Variants in ADGRG2 observed in about 807,000 individuals in gnomAD.
ADGRG2 encodes adhesion G protein-coupled receptor G2.
In ADGRG2, 26 loss-of-function variants were observed where a neutral mutation model predicts 74.1. That is an observed-to-expected ratio of 0.35 (90% CI 0.26 to 0.49). The LOEUF is 0.49. Among genes scored for constraint, ADGRG2 ranks in the 20% least tolerant of loss-of-function variants. ADGRG2 has a pLI of 0.99. For synonymous variants in ADGRG2, 296 were observed against 295.2 expected (o/e 1.00, Z -0.03); for missense variants, 619 against 763.1 (o/e 0.81, Z 2.22).
chrX:19,076,194 G>C (rs2061745476), intron 2 of ADGRG2, among the ~76,000 whole-genome samples: 1 of 111,831 alleles, frequency 8.9e-6, no homozygotes, highest in Non-Finnish European at 1.9e-5. Flanking sequence ...ATGAGGAAGG[G>C]GAGTGCCCAG....
intron 13 of ADGRG2, among the ~76,000 whole-genome samples, chrX:19,022,982 C>A (rs952820764): frequency 4.5e-4 from 51 of 112,630 alleles, no homozygotes; most frequent in African/African-American, 1.3e-3. Flanking sequence ...CAGGCGTGAG[C>A]CACCACACCC....
In ADGRG2 at chrX:19,023,338, A is replaced by C; in HGVS notation, c.548+78T>G. 5.2e-6 allele frequency: 3 copies of C among 582,187 alleles called. 1 individual carries two copies. The South Asian group carries it at 1.0e-4, about 20-fold the overall frequency. The allele number at this position is 582,187 out of a possible 1,213,427, so 48.0% of individuals were successfully genotyped here. A position where few individuals can be genotyped will look rare whatever the true frequency, so the allele number is the denominator to read the frequency against. On this transcript the variant is annotated intron_variant, in intron 13 of 28. Transcript: ENST00000379869. ...TTAGAGGACCCCCTTTGCATTTGCA[A>C]TTTAACTAAGACTCCTTAATACTTT...
At chrX:19,055,799 T>C (rs1018529701) in intron 3 of ADGRG2, among the ~76,000 whole-genome samples, 5 of 104,409 alleles carry the variant, frequency 4.8e-5, no homozygotes, top group Non-Finnish European at 9.8e-5. Context: ...AGTGGCACAA[T>C]ATCGGATCAC....
chrX:19,014,740 C>A (rs758781867), intron 15 of ADGRG2, among the ~76,000 whole-genome samples: 5 of 111,471 alleles, frequency 4.5e-5, no homozygotes, highest in Non-Finnish European at 9.4e-5. Context: ...TCAAGTGATT[C>A]TCTTGCCTCA....
At chrX:19,076,589 T>G (rs984211866) in intron 2 of ADGRG2, among the ~76,000 whole-genome samples, 1 of 111,637 alleles carries the variant, frequency 9.0e-6, no homozygotes, top group African/African-American at 3.3e-5. Flanking sequence ...GCCAACATGG[T>G]GAAACCCCAT....
At chrX:18,997,511 C>T (rs887316838) in intron 26 of ADGRG2, among the ~76,000 whole-genome samples, 3 of 111,707 alleles carry the variant, frequency 2.7e-5, no homozygotes, top group African/African-American at 6.5e-5. Flanking sequence ...TCAGTATTGC[C>T]GTGGTTGGCA....
intron 1 of ADGRG2, among the ~76,000 whole-genome samples, chrX:19,103,091 C>T (rs1004037998): frequency 6.3e-5 from 7 of 110,603 alleles, no homozygotes; most frequent in African/African-American, 2.3e-4. Flanking sequence ...GACAGGAGGT[C>T]GGCACAAGAT....
At chrX:19,064,697 G>A (rs948259935) in intron 3 of ADGRG2, among the ~76,000 whole-genome samples, 4 of 112,183 alleles carry the variant, frequency 3.6e-5, no homozygotes, top group Non-Finnish European at 5.6e-5. Flanking sequence ...GCCTAGCATA[G>A]CAGAGAGGTT....
intron 2 of ADGRG2, among the ~76,000 whole-genome samples, chrX:19,080,550 T>G (rs1481972198): frequency 9.0e-6 from 1 of 111,701 alleles, no homozygotes; most frequent in Non-Finnish European, 1.9e-5. Context: ...GAAGTAATGC[T>G]AAGACCTATT....
intron 1 of ADGRG2, among the ~76,000 whole-genome samples, chrX:19,117,779 C>T (rs762016487): frequency 3.6e-5 from 4 of 110,963 alleles, no homozygotes; most frequent in Middle Eastern, 4.6e-3. Context: ...ATTACTACCA[C>T]TGCTCTCCAG....
intron 28 of ADGRG2, among the ~76,000 whole-genome samples, chrX:18,991,583 C>T (rs1379741624): frequency 8.9e-6 from 1 of 112,032 alleles, no homozygotes; most frequent in Non-Finnish European, 1.9e-5. Flanking sequence ...TAGATTAAAC[C>T]AGCTCCTCTG....
intron 3 of ADGRG2, among the ~76,000 whole-genome samples, chrX:19,044,336 C>T (rs1215510169): frequency 4.5e-5 from 5 of 111,577 alleles, no homozygotes; most frequent in African/African-American, 1.6e-4. Context: ...GGGACAGGGC[C>T]AGGTCTTTCT....
intron 15 of ADGRG2, among the ~76,000 whole-genome samples, chrX:19,016,130 G>A (rs1019237669): frequency 8.0e-5 from 9 of 112,333 alleles, no homozygotes; most frequent in South Asian, 3.7e-4. Context: ...GGCGGTGGGC[G>A]CAGTGCCCAT....
chrX:19,106,565 G>T (rs1222710980), intron 1 of ADGRG2, among the ~76,000 whole-genome samples: 1 of 109,542 alleles, frequency 9.1e-6, no homozygotes, highest in Non-Finnish European at 1.9e-5. Flanking sequence ...GGTGTTATGA[G>T]ATATTTGAGG....
intron 1 of ADGRG2, among the ~76,000 whole-genome samples, chrX:19,088,168 C>T (rs1283798546): frequency 1.8e-5 from 2 of 112,463 alleles, no homozygotes; most frequent in East Asian, 5.6e-4. Flanking sequence ...CAAGAATTTA[C>T]CAATTCTTTT....
intron 1 of ADGRG2, among the ~76,000 whole-genome samples, chrX:19,093,937 A>ACACC (rs1014646083): frequency 1.9e-4 from 20 of 105,725 alleles, no homozygotes; most frequent in African/African-American, 7.3e-4. Context: ...ACACACACAC[A>ACACC]CCCCATGGAA....
chrX:19,043,896 A>T (rs914699683), intron 3 of ADGRG2, among the ~76,000 whole-genome samples: 8 of 110,638 alleles, frequency 7.2e-5, no homozygotes, highest in Middle Eastern at 4.6e-3. Context: ...CTCATCCCTC[A>T]TCACCCCACA....
intron 2 of ADGRG2, among the ~76,000 whole-genome samples, chrX:19,069,273 G>A (rs781232557): frequency 8.7e-4 from 97 of 111,716 alleles, no homozygotes; most frequent in African/African-American, 3.0e-3. Flanking sequence ...TCACAGGTGC[G>A]ATCATAGTAT....
chrX:19,097,131 C>T (rs1217982240), intron 1 of ADGRG2, among the ~76,000 whole-genome samples: 1 of 112,572 alleles, frequency 8.9e-6, no homozygotes, highest in Non-Finnish European at 1.9e-5. Flanking sequence ...TCCGCTCCCA[C>T]TTGATCACAG....
Sources: allele counts gnomAD v4.1 joint callset (sites outside exome capture counted in the v4.1 genomes callset), GRCh38; gene constraint gnomAD v4.1.1; transcripts MANE v1.5; gene names NCBI Gene and HGNC (gene_info 2026-07-23, HGNC 2026-07-21).